Variants in UPK1A observed in about 807,000 individuals in gnomAD.
UPK1A encodes the protein uroplakin 1A.
A neutral mutation model predicts 32.3 loss-of-function variants in UPK1A; 31 were observed. The observed-to-expected ratio is 0.96, with a 90% CI of 0.72 to 1.30. UPK1A has a LOEUF of 1.30. UPK1A is among the 50% of genes most tolerant of loss of function. The pLI is 0.00. For synonymous variants in UPK1A, 135 were observed against 137.1 expected (o/e 0.98, Z 0.11); for missense variants, 340 against 357.4 (o/e 0.95, Z 0.39).
At position 35,675,825 on chromosome 19, in the gene UPK1A, T is replaced by G; in HGVS notation, c.469-15T>G. ...CTGAGCCCGAGCCTGCCTGACCCCC[T>G]GCTTTTCACTCTAGCAAGAATGCTG... On this transcript the variant is annotated splice_polypyrimidine_tract_variant and intron_variant, in intron 5 of 7. Coordinates refer to ENST00000617999, the Ensembl canonical transcript of UPK1A. 4 of 1,595,156 alleles carry G rather than the reference T, an allele frequency of 2.5e-6. No individual in the cohort carries two copies. The highest frequency in any genetic ancestry group is 3.4e-6 in the Non-Finnish European group (4 of 1,167,252).
intron 1 of UPK1A, 108 bp from the exon 2 acceptor site, chr19:35,666,701 G>A: frequency 1.8e-6 from 2 of 1,112,890 alleles, no homozygotes; most frequent in Non-Finnish European, 2.6e-6. Context: ...ACCAGCCTGG[G>A]CCCCGCAGAG....
chr19:35,670,390 TTC>T (rs1968068920), intron 3 of UPK1A, among the ~76,000 whole-genome samples: 2 of 21,822 alleles, frequency 9.2e-5, no homozygotes, highest in East Asian at 1.3e-3. Context: ...TCCCCTCCCC[TTC>T]CCTCCCCTCC....
chr19:35,673,611 C>T (rs1312428168), intron 5 of UPK1A, 66 bp downstream of exon 5: 6 of 1,428,904 alleles, frequency 4.2e-6, no homozygotes, highest in South Asian at 2.4e-5. Context: ...ATAGAGCTCC[C>T]GATGTGCCAG....
In UPK1A at chr19:35,666,862, T is replaced by C. The variant is rs746705155; in HGVS notation, c.50T>C (p.Val17Ala). The change falls in exon 2 of 8, where the codon GTG (valine) becomes GCG (alanine). Residue 17 changes from valine (V) to alanine (A), a missense_variant. By Grantham distance (64) the Val-to-Ala change is moderately conservative. Transcript: ENST00000617999. ...GCCGAGAAGGGATCTCCAGTTGTGG[T>C]GGGCCTGCTAGTTGTGGGCAATATC... is the stretch of plus-strand genomic sequence containing the variant. 21 of 1,613,862 alleles carry C rather than the reference T, an allele frequency of 1.3e-5. No homozygotes were observed. Among genetic ancestry groups the C allele is most frequent in the Admixed American group, 3.3e-5 (2 of 59,968 alleles).
rs369434070 is a variant in UPK1A at position 35,677,659 on chromosome 19, G to A, written c.649-153G>A. 3.5e-4 allele frequency among the ~76,000 whole-genome samples: 53 copies of A among 152,268 alleles called. 3 individuals are homozygous for A. The South Asian group carries it at 0.011, about 30-fold the overall frequency. On this transcript the variant is annotated intron_variant, in intron 6 of 7. Transcript: ENST00000617999. ...GCTCCCTGGGGCCCCGAAACCACCC[G>A]AGGAGGTGGACAGTGCCATGGTCCC...
At chr19:35,668,616 G>T in exon 3 of UPK1A, 1 of 1,613,982 alleles carries the variant, frequency 6.2e-7, no homozygotes, top group Non-Finnish European at 8.5e-7. Context: ...TTTTGGTGTG[G>T]GTGCCGCACT....
At chr19:35,671,906 C>G (rs185656511) in intron 3 of UPK1A, among the ~76,000 whole-genome samples, 1 of 152,272 alleles carries the variant, frequency 6.6e-6, no homozygotes, top group East Asian at 1.9e-4. Context: ...ACTTTTTCTT[C>G]TGGGTATTTT....
In UPK1A at chr19:35,674,567, C is replaced by T. The variant is rs2267587; in HGVS notation, c.468+1022C>T. Among the ~76,000 whole-genome samples, 594 of 151,790 alleles carry T rather than the reference C, an allele frequency of 3.9e-3. 34 individuals are homozygous for T. The East Asian group carries it at 0.11, about 27-fold the overall frequency. On this transcript the variant is annotated intron_variant, in intron 5 of 7. Transcript: ENST00000617999. The stretch of plus-strand genomic sequence containing the variant: ...AAGCACTTTTAAAGCTTTTTTAATC[C>T]TCACGACCACTCCATAAGGGAGATC...
chr19:35,667,011 C>G (rs946335153), intron 2 of UPK1A, 115 bp downstream of exon 2: 2 of 1,031,940 alleles, frequency 1.9e-6, no homozygotes, highest in Non-Finnish European at 2.9e-6. Context: ...ACTCAGTGGT[C>G]AGCACAGCCT....
chr19:35,676,903 A>C (rs1012482581), intron 6 of UPK1A, among the ~76,000 whole-genome samples: 25 of 115,994 alleles, frequency 2.2e-4, no homozygotes, highest in Non-Finnish European at 4.5e-4. Context: ...CATCTCAAAC[A>C]AAAAAAAACA....
In UPK1A at chr19:35,675,334, T is replaced by C. The variant is rs200412500; in HGVS notation, c.469-506T>C. ...TTCATTCTTGATTCCCAGGCTGGAG[T>C]GCAGTGGCACGATCTTGGCTCACTG... is the stretch of plus-strand genomic sequence containing the variant. On this transcript the variant is annotated intron_variant, in intron 5 of 7. Coordinates refer to ENST00000617999, the Ensembl canonical transcript of UPK1A. 4.1e-4 allele frequency among the ~76,000 whole-genome samples: 63 copies of C among 152,234 alleles called. No homozygotes were observed. The East Asian group carries it at 7.4e-3, about 18-fold the overall frequency.
At chr19:35,667,644 C>G (rs979188574) in intron 2 of UPK1A, among the ~76,000 whole-genome samples, 1 of 151,690 alleles carries the variant, frequency 6.6e-6, no homozygotes, top group Admixed American at 6.6e-5. Flanking sequence ...CAGGCACATG[C>G]TACCACACCC....
chr19:35,670,264 G>A (rs1968065695), intron 3 of UPK1A, among the ~76,000 whole-genome samples: 1 of 152,144 alleles, frequency 6.6e-6, no homozygotes, highest in Non-Finnish European at 1.5e-5. Flanking sequence ...CAGATGGGGA[G>A]GAGAACAGTG....
intron 2 of UPK1A, among the ~76,000 whole-genome samples, chr19:35,667,182 C>T (rs148884350): frequency 8.5e-5 from 13 of 152,226 alleles, no homozygotes; most frequent in African/African-American, 2.9e-4. Flanking sequence ...AGAAAGTGCC[C>T]GACCAATGCT....
At chr19:35,673,600 G>C (rs1236946971) in intron 5 of UPK1A, 55 bp downstream of exon 5, 1 of 1,507,574 alleles carries the variant, frequency 6.6e-7, no homozygotes, top group African/African-American at 1.4e-5. Flanking sequence ...CACAGAGGCC[G>C]ATAGAGCTCC....
chr19:35,666,666 C>T, intron 1 of UPK1A, 128 bp downstream of exon 1: 1 of 775,870 alleles, frequency 1.3e-6, no homozygotes, highest in African/African-American at 1.8e-5. Flanking sequence ...AAATGCCTCC[C>T]CACCAGGGCT....
chr19:35,677,926 G>T lies in UPK1A; in HGVS notation c.732+31G>T, dbSNP rs761263024. On this transcript the variant is annotated intron_variant, in intron 7 of 7. Transcript: ENST00000617999. ...AGGCGGGGAGCCCACAGGCTGGGTG[G>T]GCTGGGGGTGGGGGGCGGAGTGCCC... 3.8e-5 allele frequency: 60 copies of T among 1,592,662 alleles called. No individual in the cohort carries two copies. In the South Asian group the frequency reaches 6.3e-4, roughly 17 times the overall value.
At chr19:35,673,517 C>T (rs1172608875) in exon 5 of UPK1A, 1 of 1,613,020 alleles carries the variant, frequency 6.2e-7, no homozygotes, top group South Asian at 1.1e-5. Flanking sequence ...CAGGAGCTGA[C>T]CCGCCTCTGG....
intron 3 of UPK1A, among the ~76,000 whole-genome samples, chr19:35,672,664 C>T (rs1310308039): frequency 6.6e-6 from 1 of 152,246 alleles, no homozygotes. Flanking sequence ...AACTACTGGG[C>T]TCAAACGATC....
Sources: allele counts gnomAD v4.1 joint callset (sites outside exome capture counted in the v4.1 genomes callset), GRCh38; gene constraint gnomAD v4.1.1; transcripts MANE v1.5; gene names NCBI Gene and HGNC (gene_info 2026-07-23, HGNC 2026-07-21).